EPB41: variants seen among roughly 807,000 people sequenced by gnomAD.
The protein encoded by EPB41 is erythrocyte membrane protein band 4.1, also known as protein 4.1.
In EPB41, 65 loss-of-function variants were observed where a neutral mutation model predicts 108.0. The ratio of observed to expected loss-of-function variants is 0.60; its 90% CI spans 0.49 to 0.74. EPB41 has a LOEUF of 0.74. Among genes scored for constraint, EPB41 ranks in the 30% least tolerant of loss-of-function variants. The pLI is 0.00. For synonymous variants in EPB41, 336 were observed against 358.9 expected (o/e 0.94, Z 0.72); for missense variants, 875 against 1,037.0 (o/e 0.84, Z 2.15).
At chr1:28,959,183 A>G (rs2095091381) in intron 1 of EPB41, among the ~76,000 whole-genome samples, 1 of 147,058 alleles carries the variant, frequency 6.8e-6, no homozygotes, top group South Asian at 2.2e-4. Flanking sequence ...TTTATACCGT[A>G]GCTACTACGG....
At chr1:29,104,413 T>C (rs1475187082) in intron 17 of EPB41, among the ~76,000 whole-genome samples, 3 of 152,032 alleles carry the variant, frequency 2.0e-5, no homozygotes, top group African/African-American at 7.2e-5. Context: ...TGAGGTAAAA[T>C]TTACATACAG....
intron 1 of EPB41, among the ~76,000 whole-genome samples, chr1:28,907,570 T>C (rs2091934940): frequency 6.6e-6 from 1 of 152,026 alleles, no homozygotes; most frequent in African/African-American, 2.4e-5. Flanking sequence ...TGGTGGATGG[T>C]TGTTAAGGCA....
chr1:29,079,484 C>T (rs916433858), intron 16 of EPB41, among the ~76,000 whole-genome samples: 5 of 150,470 alleles, frequency 3.3e-5, no homozygotes, highest in African/African-American at 1.2e-4. Context: ...GTGACACGAT[C>T]TCGGCAACCT....
intron 18 of EPB41, chr1:29,109,846 C>A: frequency 3.6e-6 from 1 of 278,288 alleles, no homozygotes. Flanking sequence ...CTAGCCTGAC[C>A]AACATGGTAA....
At chr1:28,918,632 C>G (rs1241819406) in intron 1 of EPB41, among the ~76,000 whole-genome samples, 1 of 152,124 alleles carries the variant, frequency 6.6e-6, no homozygotes, top group Non-Finnish European at 1.5e-5. Context: ...TAATTGCTAG[C>G]TAGGTGCAGT....
At chr1:28,961,498 G>T (rs892311025) in intron 1 of EPB41, among the ~76,000 whole-genome samples, 9 of 152,112 alleles carry the variant, frequency 5.9e-5, no homozygotes, top group Non-Finnish European at 8.8e-5. Context: ...TGAACACCCG[G>T]TTTATAGTCC....
chr1:29,061,586 T>G lies in EPB41; in HGVS notation c.2007+1102T>G, dbSNP rs1433618118. Among the ~76,000 whole-genome samples the G allele has an allele frequency of 4.3e-5, 6 of 139,044 alleles. No individual in the cohort carries two copies. The Admixed American group carries it at 4.4e-4, about 10-fold the overall frequency. 91.2% of individuals were successfully genotyped at this position (139,044 alleles called of 152,430 possible). A position where few individuals can be genotyped will look rare whatever the true frequency, so the allele number is the denominator to read the frequency against. ...GCCTGGCCTTTGTTTTTTTTTTTTT[T>G]TTTTTTTTTTTTGAGGCGGGTCTCA... is the stretch of plus-strand genomic sequence containing the variant. On this transcript the variant is annotated intron_variant, in intron 15 of 20. Transcript: ENST00000343067.
At chr1:28,896,974 G>A (rs2090739482) in intron 1 of EPB41, among the ~76,000 whole-genome samples, 1 of 152,220 alleles carries the variant, frequency 6.6e-6, no homozygotes, top group African/African-American at 2.4e-5. Context: ...GACATATCTG[G>A]GAGGAGGAGG....
intron 9 of EPB41, among the ~76,000 whole-genome samples, chr1:29,034,492 A>G (rs1294803460): frequency 1.3e-5 from 2 of 152,210 alleles, no homozygotes; most frequent in African/African-American, 2.4e-5. Flanking sequence ...CAGTCTGAGC[A>G]AATAACTTCT....
At chr1:29,039,847 G>A (rs555060866) in intron 11 of EPB41, among the ~76,000 whole-genome samples, 1 of 151,962 alleles carries the variant, frequency 6.6e-6, no homozygotes, top group African/African-American at 2.4e-5. Context: ...AAAATGAAAG[G>A]GATCTTACTA....
chr1:28,941,262 C>G (rs1185323414), intron 1 of EPB41, among the ~76,000 whole-genome samples: 1 of 151,774 alleles, frequency 6.6e-6, no homozygotes, highest in Non-Finnish European at 1.5e-5. Flanking sequence ...TGCCTGTAGT[C>G]CCAGCTACTC....
intron 5 of EPB41, among the ~76,000 whole-genome samples, chr1:29,012,718 T>C (rs1369594034): frequency 1.3e-5 from 2 of 152,254 alleles, no homozygotes; most frequent in African/African-American, 4.8e-5. Flanking sequence ...TTCATTTGTT[T>C]CTTAGAAGAA....
intron 1 of EPB41, among the ~76,000 whole-genome samples, chr1:28,966,857 C>T (rs1371680658): frequency 6.6e-6 from 1 of 152,116 alleles, no homozygotes; most frequent in Non-Finnish European, 1.5e-5. Flanking sequence ...AAGGACTTTG[C>T]CCTTTATTCT....
intron 1 of EPB41, among the ~76,000 whole-genome samples, chr1:28,930,373 G>T (rs535610524): frequency 4.0e-5 from 6 of 150,424 alleles, no homozygotes; most frequent in African/African-American, 1.5e-4. Context: ...TTGTCATATT[G>T]CCCAGGCTGG....
chr1:28,995,388 C>A (rs1471340930), intron 3 of EPB41, among the ~76,000 whole-genome samples: 1 of 152,006 alleles, frequency 6.6e-6, no homozygotes, highest in East Asian at 1.9e-4. Flanking sequence ...ATGGTGAAAC[C>A]CCGTCTCTAC....
At chr1:28,969,473 T>C (rs917877861) in intron 1 of EPB41, among the ~76,000 whole-genome samples, 1 of 152,036 alleles carries the variant, frequency 6.6e-6, no homozygotes, top group East Asian at 1.9e-4. Flanking sequence ...GCATAAAAAC[T>C]GTGTGAAATT....
At chr1:28,967,839 CTG>C (rs1024813189) in intron 1 of EPB41, among the ~76,000 whole-genome samples, 1 of 136,884 alleles carries the variant, frequency 7.3e-6, no homozygotes, top group African/African-American at 2.8e-5. Flanking sequence ...GAGTCTTCCT[CTG>C]TCGCCCAGGC....
intron 5 of EPB41, among the ~76,000 whole-genome samples, 156 bp downstream of exon 5, chr1:29,012,063 C>T (rs2096511712): frequency 6.6e-6 from 1 of 151,338 alleles, no homozygotes; most frequent in Non-Finnish European, 1.5e-5. Flanking sequence ...GGAGGAGATT[C>T]CATAATAGAA....
At chr1:28,999,486 GA>G (rs538352531) in intron 4 of EPB41, among the ~76,000 whole-genome samples, 7 of 150,946 alleles carry the variant, frequency 4.6e-5, no homozygotes, top group Non-Finnish European at 7.4e-5. Context: ...ACATTGTGGG[GA>G]AAAAAAAACC....
Sources: allele counts gnomAD v4.1 joint callset (sites outside exome capture counted in the v4.1 genomes callset), GRCh38; gene constraint gnomAD v4.1.1; transcripts MANE v1.5; gene names NCBI Gene and HGNC (gene_info 2026-07-23, HGNC 2026-07-21).